The following SMARCA2 variants were observed in gnomAD, a reference collection of about 807,000 sequenced individuals.
The protein encoded by SMARCA2 is SWI/SNF related BAF chromatin remodeling complex subunit ATPase 2, also known as SWI/SNF-related matrix-associated actin-dependent regulator of chromatin subfamily A member 2.
SMARCA2 carries 61 observed loss-of-function variants against 199.8 expected under a neutral mutation model. The observed-to-expected ratio is 0.31, with a 90% CI of 0.25 to 0.38. The LOEUF is 0.38. SMARCA2 is among the 10% of genes least tolerant of loss of function. SMARCA2 has a pLI of 1.00. For synonymous variants in SMARCA2, 935 were observed against 732.0 expected (o/e 1.28, Z -4.48); for missense variants, 1,344 against 2,012.2 (o/e 0.67, Z 6.35).
chr9:2,190,034 G>A (rs888119960), intron 32 of SMARCA2, among the ~76,000 whole-genome samples: 2 of 152,156 alleles, frequency 1.3e-5, no homozygotes, highest in African/African-American at 2.4e-5. Flanking sequence ...CATTTTCAGT[G>A]CCTTCATCAT....
chr9:2,105,440 G>C (rs1822711576), intron 23 of SMARCA2, among the ~76,000 whole-genome samples: 1 of 150,942 alleles, frequency 6.6e-6, no homozygotes, highest in African/African-American at 2.4e-5. Flanking sequence ...TTTTAGTAAA[G>C]ATGGGGTTTC....
intron 8 of SMARCA2, among the ~76,000 whole-genome samples, chr9:2,059,444 G>A (rs1009609262): frequency 6.6e-6 from 1 of 152,216 alleles, no homozygotes; most frequent in Admixed American, 6.5e-5. Context: ...AGGGAGAGAG[G>A]ACTGTCCGAG....
At chr9:2,072,152 A>G (rs913477069) in intron 10 of SMARCA2, 5 of 152,240 alleles carry the variant, frequency 3.3e-5, no homozygotes, top group East Asian at 1.9e-4. Flanking sequence ...AGGTTATCCT[A>G]TCATTTCTGC....
chr9:2,117,064 A>G (rs1823244842), intron 25 of SMARCA2, among the ~76,000 whole-genome samples: 1 of 152,230 alleles, frequency 6.6e-6, no homozygotes. Flanking sequence ...CCCATCATAA[A>G]TTGAAAATAT....
In SMARCA2 at chr9:2,161,592, C is replaced by G. The variant is rs1415755160; in HGVS notation, c.3982-94C>G. The G allele has an allele frequency of 6.3e-6, 5 of 796,596 alleles. No individual in the cohort carries two copies. The East Asian group carries it at 1.3e-4, about 21-fold the overall frequency. 49.3% of individuals were successfully genotyped at this position (796,596 alleles called of 1,614,324 possible). ...TTTGGTTAATTTCTTTCATTTTATTCTAATTGTTGGAGCTATATATAAATA... is the reference window on the plus strand; with the variant it reads ...TTTGGTTAATTTCTTTCATTTTATTGTAATTGTTGGAGCTATATATAAATA... On this transcript the variant is annotated intron_variant, in intron 27 of 33. Transcript: ENST00000349721. This position sits in a 1 kb window ranked among gnomAD's most constrained non-coding sequence, Gnocchi z 4.7.
chr9:2,128,078 A>C (rs192726156), intron 27 of SMARCA2, among the ~76,000 whole-genome samples: 1 of 152,196 alleles, frequency 6.6e-6, no homozygotes, highest in East Asian at 1.9e-4. Context: ...TGTGGTAGTC[A>C]GTTCAACATT....
intron 15 of SMARCA2, among the ~76,000 whole-genome samples, chr9:2,082,307 GT>G (rs879458191): frequency 0.05 from 1,353 of 27,332 alleles, 19 homozygotes; most frequent in East Asian, 0.25. Flanking sequence ...AAGGGGAAAG[GT>G]GTGTGTGTGT....
Position 2,016,035 on chromosome 9 carries a change from T to G in SMARCA2, c.-37+631T>G, listed in dbSNP as rs901611837. 5 of 152,374 alleles carry G rather than the reference T, an allele frequency of 3.3e-5. No individual in the cohort carries two copies. Among genetic ancestry groups the G allele is most frequent in the African/African-American group, 1.2e-4 (5 of 41,438 alleles). The allele number at this position is 152,374 out of a possible 1,614,324, so 9.4% of individuals were successfully genotyped here. ...GCCAACGGACGCTGTTGCCACCCGC[T>G]TCCCAGGGACTTGTTCAAAGGGCTC... On this transcript the variant is annotated intron_variant, in intron 1 of 33. Coordinates refer to ENST00000349721, the MANE Select transcript of SMARCA2 (RefSeq NM_003070.5). The surrounding 1 kb of genome is among the most constrained non-coding windows in gnomAD (Gnocchi z 5.6).
At chr9:2,040,992 G>A (rs1819581214) in intron 4 of SMARCA2, 1 of 187,234 alleles carries the variant, frequency 5.3e-6, no homozygotes, top group South Asian at 1.9e-4. Context: ...CCTTGACGTT[G>A]ATACCATTTC....
At chr9:2,184,067 C>T (rs376424362) in intron 31 of SMARCA2, among the ~76,000 whole-genome samples, 13 of 152,156 alleles carry the variant, frequency 8.5e-5, no homozygotes, top group African/African-American at 3.1e-4. Context: ...TACTGCCTCT[C>T]TTCCCAACCT....
At position 2,169,208 on chromosome 9, in the gene SMARCA2, T is replaced by C. The variant is rs1826104634; in HGVS notation, c.4200-1211T>C. ...TGTCTTCCTGAGGCCCTTGCACTGC[T>C]GGCCTGGCCTGGCAAGCTGCAGGGT... On this transcript the variant is annotated intron_variant, in intron 28 of 33. Transcript: ENST00000349721. This position sits in a 1 kb window ranked among gnomAD's most constrained non-coding sequence, Gnocchi z 6.5. Among the ~76,000 whole-genome samples the C allele has an allele frequency of 6.6e-6, 1 of 152,224 alleles. No homozygotes were observed.
chr9:2,023,656 G>C (rs1361298148), intron 1 of SMARCA2, among the ~76,000 whole-genome samples: 1 of 152,116 alleles, frequency 6.6e-6, no homozygotes, highest in Non-Finnish European at 1.5e-5. Context: ...GACAACCTTG[G>C]CCTGTAAAAA....
intron 31 of SMARCA2, among the ~76,000 whole-genome samples, chr9:2,184,588 C>T (rs1827297629): frequency 6.6e-6 from 1 of 151,840 alleles, no homozygotes; most frequent in South Asian, 2.1e-4. Flanking sequence ...CTCCTGACCT[C>T]GTGATCTACC....
intron 3 of SMARCA2, among the ~76,000 whole-genome samples, chr9:2,038,153 C>A (rs554825449): frequency 1.3e-5 from 2 of 152,240 alleles, no homozygotes; most frequent in East Asian, 3.9e-4. Context: ...TGTATTAGAT[C>A]ATGGAAAGGG....
chr9:2,127,581 A>G (rs1401363189), intron 27 of SMARCA2, among the ~76,000 whole-genome samples: 4 of 152,146 alleles, frequency 2.6e-5, no homozygotes, highest in Non-Finnish European at 5.9e-5. Flanking sequence ...GGGGAAAACA[A>G]CATGGAGTAG....
intron 29 of SMARCA2, among the ~76,000 whole-genome samples, chr9:2,178,011 G>A (rs1310687081): frequency 2.0e-5 from 3 of 148,964 alleles, no homozygotes; most frequent in Admixed American, 6.6e-5. Context: ...GTTTGTGGAG[G>A]TAATGAGGAA....
chr9:2,136,433 C>T (rs1176871111), intron 27 of SMARCA2, among the ~76,000 whole-genome samples: 1 of 152,058 alleles, frequency 6.6e-6, no homozygotes, highest in African/African-American at 2.4e-5. Context: ...AGTGATCTGC[C>T]CACCTCAGCC....
intron 29 of SMARCA2, among the ~76,000 whole-genome samples, chr9:2,172,551 G>C (rs1246630530): frequency 6.6e-6 from 1 of 152,110 alleles, no homozygotes; most frequent in Non-Finnish European, 1.5e-5. Flanking sequence ...GCTCATTGGA[G>C]ACGAAGGAAG....
chr9:2,171,268 C>T (rs890436675), intron 29 of SMARCA2, among the ~76,000 whole-genome samples: 2 of 152,106 alleles, frequency 1.3e-5, no homozygotes, highest in African/African-American at 4.8e-5. Flanking sequence ...TGATACAGTG[C>T]TTTACCATCC....
Sources: gnomAD v4.1 joint callset for allele counts (sites outside exome capture counted in the v4.1 genomes callset) on GRCh38, gnomAD v4.1.1 for gene constraint, Gnocchi (gnomAD v3.1) non-coding constraint, MANE v1.5 for transcripts, NCBI Gene and HGNC (gene_info 2026-07-23, HGNC 2026-07-21) for gene names.